KCNQ5: variants seen among roughly 807,000 people sequenced by gnomAD.
The protein encoded by KCNQ5 is potassium voltage-gated channel subfamily Q member 5.
KCNQ5 carries 30 observed loss-of-function variants against 98.2 expected under a neutral mutation model. The ratio of observed to expected loss-of-function variants is 0.31; its 90% CI spans 0.23 to 0.41. The LOEUF (loss-of-function observed/expected upper bound fraction) is 0.41. KCNQ5 is among the 10% of genes least tolerant of loss of function. The pLI is 1.00. For missense variants in KCNQ5, 835 were observed against 1,182.5 expected (o/e 0.71, Z 4.31); for synonymous variants, 458 against 449.4 (o/e 1.02, Z -0.24).
intron 1 of KCNQ5, among the ~76,000 whole-genome samples, chr6:72,812,125 A>G (rs1196211574): frequency 6.6e-6 from 1 of 152,182 alleles, no homozygotes; most frequent in Non-Finnish European, 1.5e-5. Context: ...GAAGATGACC[A>G]AAGGTCACTT....
intron 1 of KCNQ5, among the ~76,000 whole-genome samples, chr6:72,910,645 C>G (rs761985415): frequency 1.9e-4 from 28 of 150,876 alleles, no homozygotes; most frequent in Non-Finnish European, 3.5e-4. Context: ...ATTCTTTACC[C>G]ATACTTTATC....
intron 3 of KCNQ5, among the ~76,000 whole-genome samples, chr6:73,050,280 A>AAGGAAGGT (rs1772166491): frequency 2.5e-5 from 3 of 122,044 alleles, no homozygotes; most frequent in African/African-American, 8.9e-5. Context: ...GGAAGGAAGG[A>AAGGAAGGT]AGGAAGGAAG....
chr6:72,979,445 A>G (rs943447322), intron 1 of KCNQ5, among the ~76,000 whole-genome samples: 4 of 152,060 alleles, frequency 2.6e-5, no homozygotes, highest in East Asian at 3.8e-4. Flanking sequence ...GCATTTTTTC[A>G]TGTGTCTGTT....
intron 1 of KCNQ5, among the ~76,000 whole-genome samples, chr6:72,974,546 T>C (rs1267512811): frequency 6.6e-6 from 1 of 152,104 alleles, no homozygotes; most frequent in Non-Finnish European, 1.5e-5. Context: ...AGCATAGCCC[T>C]CCTCCCACTA....
At chr6:73,180,284 C>T (rs963581395) in intron 11 of KCNQ5, among the ~76,000 whole-genome samples, 1 of 152,196 alleles carries the variant, frequency 6.6e-6, no homozygotes, top group African/African-American at 2.4e-5. Flanking sequence ...ATACTCAGCA[C>T]AACGTCATAG....
At chr6:72,664,904 A>C (rs956240853) in intron 1 of KCNQ5, among the ~76,000 whole-genome samples, 3 of 152,276 alleles carry the variant, frequency 2.0e-5, no homozygotes, top group Non-Finnish European at 2.9e-5. Context: ...AATTGTCATT[A>C]ATCTCATAAA....
chr6:72,814,267 G>A (rs974050419), intron 1 of KCNQ5, among the ~76,000 whole-genome samples: 9 of 152,110 alleles, frequency 5.9e-5, no homozygotes, highest in South Asian at 2.1e-4. Flanking sequence ...CTCCTCCACC[G>A]CAGTGCAATG....
chr6:72,658,598 T>TTTTTTTTTTTTA (rs1766338397), intron 1 of KCNQ5, among the ~76,000 whole-genome samples: 2 of 125,088 alleles, frequency 1.6e-5, no homozygotes, highest in African/African-American at 6.7e-5. Context: ...TTTTTTTTTT[T>TTTTTTTTTTTTA]GAGACAGGGT....
intron 1 of KCNQ5, among the ~76,000 whole-genome samples, chr6:72,771,727 G>A (rs1452271139): frequency 6.7e-6 from 1 of 150,260 alleles, no homozygotes. Context: ...CAATAAAAAT[G>A]GCTTCTGATG....
At chr6:72,903,091 C>G (rs990457747) in intron 1 of KCNQ5, among the ~76,000 whole-genome samples, 1 of 152,096 alleles carries the variant, frequency 6.6e-6, no homozygotes, top group Non-Finnish European at 1.5e-5. Context: ...ATGTATCCAT[C>G]TCTTCTAGGT....
chr6:73,051,705 CAAA>C (rs201199934), intron 3 of KCNQ5, among the ~76,000 whole-genome samples: 2 of 97,166 alleles, frequency 2.1e-5, no homozygotes, highest in Admixed American at 1.1e-4. Flanking sequence ...AAGATAGAGG[CAAA>C]AAAAAAAAAA....
At chr6:72,690,994 A>G (rs1317106889) in intron 1 of KCNQ5, among the ~76,000 whole-genome samples, 3 of 152,184 alleles carry the variant, frequency 2.0e-5, no homozygotes, top group Non-Finnish European at 4.4e-5. Flanking sequence ...ATTCAGAATT[A>G]TTAGCCTCTT....
chr6:72,787,947 ATTTTTCTG>A (rs1206221732), intron 1 of KCNQ5, among the ~76,000 whole-genome samples: 3 of 151,958 alleles, frequency 2.0e-5, no homozygotes, highest in Non-Finnish European at 4.4e-5. Context: ...GACCAATCTG[ATTTTTCTG>A]TTTTGTTGTT....
intron 1 of KCNQ5, among the ~76,000 whole-genome samples, chr6:72,916,069 A>T (rs957480575): frequency 2.0e-5 from 3 of 152,146 alleles, no homozygotes; most frequent in Admixed American, 1.3e-4. Context: ...GGGAATTGAG[A>T]TATTACTATA....
chr6:72,987,488 T>C (rs1370828488), intron 1 of KCNQ5: 2 of 663,698 alleles, frequency 3.0e-6, no homozygotes, highest in African/African-American at 3.6e-5. Flanking sequence ...TCAAACTTAC[T>C]GGTGGCTTCA....
At chr6:72,883,339 G>C (rs766385486) in intron 1 of KCNQ5, among the ~76,000 whole-genome samples, 71 of 151,674 alleles carry the variant, frequency 4.7e-4, no homozygotes, top group Non-Finnish European at 9.3e-4. Flanking sequence ...TTGTTTTCTG[G>C]GTGTGCTGTC....
At chr6:72,680,261 A>T (rs936140404) in intron 1 of KCNQ5, among the ~76,000 whole-genome samples, 1 of 152,140 alleles carries the variant, frequency 6.6e-6, no homozygotes, top group African/African-American at 2.4e-5. Flanking sequence ...TATTCTGGAC[A>T]TTTGGTATAA....
intron 2 of KCNQ5, among the ~76,000 whole-genome samples, chr6:73,005,295 C>T (rs1303560178): frequency 6.6e-6 from 1 of 152,186 alleles, no homozygotes; most frequent in Non-Finnish European, 1.5e-5. Flanking sequence ...TTTGATAACA[C>T]AAATGATCTG....
Position 73,000,307 on chromosome 6 carries a change from A to T in KCNQ5, c.399-3601A>T, listed in dbSNP as rs527683909. On this transcript the variant is annotated intron_variant, in intron 1 of 13. Transcript: ENST00000370398. ...AAGTCTGCCTCTGGCAATGATACCA[A>T]GAGCTAATTCAGAGCAGAATGTGTT... is the stretch of plus-strand genomic sequence containing the variant. Among the ~76,000 whole-genome samples the T allele has an allele frequency of 5.3e-5, 8 of 152,306 alleles. No individual in the cohort carries two copies. The South Asian group carries it at 1.7e-3, about 32-fold the overall frequency.
Sources: gnomAD v4.1 joint callset for allele counts (sites outside exome capture counted in the v4.1 genomes callset) on GRCh38, gnomAD v4.1.1 for gene constraint, MANE v1.5 for transcripts, NCBI Gene and HGNC (gene_info 2026-07-23, HGNC 2026-07-21) for gene names.